NAPB: variants seen among roughly 807,000 people sequenced by gnomAD.
The protein encoded by NAPB is NSF attachment protein beta.
NAPB carries 26 observed loss-of-function variants against 44.7 expected under a neutral mutation model. The ratio of observed to expected loss-of-function variants is 0.58; its 90% CI spans 0.43 to 0.81. NAPB has a LOEUF of 0.81. Among genes scored for constraint, NAPB ranks in the 30% least tolerant of loss-of-function variants. NAPB has a pLI of 0.00. For missense variants in NAPB, 315 were observed against 356.4 expected (o/e 0.88, Z 0.94); for synonymous variants, 120 against 116.8 (o/e 1.03, Z -0.18).
chr20:23,381,936 C>T (rs1157772572), intron 7 of NAPB, among the ~76,000 whole-genome samples: 1 of 152,166 alleles, frequency 6.6e-6, no homozygotes, highest in Non-Finnish European at 1.5e-5. Flanking sequence ...GTAAGAAGCA[C>T]CCCAATACCT....
intron 5 of NAPB, among the ~76,000 whole-genome samples, chr20:23,390,836 T>C (rs1329472731): frequency 2.0e-5 from 3 of 152,194 alleles, no homozygotes; most frequent in African/African-American, 7.2e-5. Flanking sequence ...CTTACGTCTA[T>C]GACTTGCAGC....
chr20:23,387,805 A>G lies in NAPB; in HGVS notation c.561+2141T>C, dbSNP rs79524752. On this transcript the variant is annotated intron_variant, in intron 7 of 10. Transcript: ENST00000377026. ...TCAGACTTAGTATTGTTAAGATGGC[A>G]ATACTCTCTGTGATGACTGATTTTA... 2.5e-3 allele frequency among the ~76,000 whole-genome samples: 377 copies of G among 152,300 alleles called. 4 individuals are homozygous for G. The East Asian group carries it at 0.033, about 13-fold the overall frequency.
chr20:23,389,808 T>C (rs1983818658), intron 7 of NAPB, 138 bp downstream of exon 7: 1 of 674,202 alleles, frequency 1.5e-6, no homozygotes, highest in African/African-American at 1.8e-5. Flanking sequence ...TATACAACTT[T>C]GTGAACAGAC....
intron 7 of NAPB, 86 bp downstream of exon 7, chr20:23,389,860 A>G (rs1983823278): frequency 1.7e-6 from 2 of 1,167,950 alleles, no homozygotes; most frequent in Admixed American, 1.9e-5. Context: ...TGTGTGGATT[A>G]TATCTCAATA....
At chr20:23,406,163 C>T (rs2424542) in intron 1 of NAPB, among the ~76,000 whole-genome samples, 86,557 of 152,076 alleles carry the variant, frequency 0.57, 26,530 homozygotes, top group East Asian at 0.88. Context: ...GCCTTGATCT[C>T]AGACTTTCCA....
intron 7 of NAPB, among the ~76,000 whole-genome samples, chr20:23,389,605 T>C (rs137900167): frequency 1.3e-5 from 2 of 152,184 alleles, no homozygotes; most frequent in Admixed American, 6.5e-5. Context: ...CTGAAAACAA[T>C]ACACTAAGTG....
At chr20:23,378,314 G>A (rs368955408) in intron 10 of NAPB, among the ~76,000 whole-genome samples, 1 of 151,422 alleles carries the variant, frequency 6.6e-6, no homozygotes, top group African/African-American at 2.4e-5. Context: ...ACAGAGTGAG[G>A]ATCTGTTTCA....
At chr20:23,396,660 T>G (rs1290223243) in intron 3 of NAPB, 1 of 152,440 alleles carries the variant, frequency 6.6e-6, no homozygotes, top group African/African-American at 2.4e-5. Flanking sequence ...TATTACAATC[T>G]CCCATTAACT....
At chr20:23,390,613 C>T (rs1983873831) in intron 5 of NAPB, among the ~76,000 whole-genome samples, 1 of 152,242 alleles carries the variant, frequency 6.6e-6, no homozygotes, top group Non-Finnish European at 1.5e-5. Flanking sequence ...ACTTTGCATC[C>T]TCCTCCAGGC....
intron 3 of NAPB, among the ~76,000 whole-genome samples, chr20:23,395,456 C>A (rs568349678): frequency 6.6e-6 from 1 of 152,288 alleles, no homozygotes; most frequent in South Asian, 2.1e-4. Flanking sequence ...AGGACTCCAT[C>A]CAGGCAAAAG....
At chr20:23,413,307 C>T (rs1415709204) in intron 1 of NAPB, among the ~76,000 whole-genome samples, 1 of 151,156 alleles carries the variant, frequency 6.6e-6, no homozygotes, top group Non-Finnish European at 1.5e-5. Flanking sequence ...ACAATAAAAG[C>T]CTCTTGCAAC....
chr20:23,413,444 G>A (rs1985792723), intron 1 of NAPB, among the ~76,000 whole-genome samples: 1 of 152,164 alleles, frequency 6.6e-6, no homozygotes, highest in East Asian at 1.9e-4. Flanking sequence ...AATGAAAACA[G>A]TGAATAAACA....
At chr20:23,416,473 T>C (rs1449245590) in intron 1 of NAPB, among the ~76,000 whole-genome samples, 5 of 151,664 alleles carry the variant, frequency 3.3e-5, no homozygotes, top group Admixed American at 2.0e-4. Context: ...ATCTGAAAAC[T>C]AAAAAAAACA....
chr20:23,394,902 G>A lies in NAPB; in HGVS notation c.420+20C>T. The A allele has an allele frequency of 6.2e-7, 1 of 1,608,378 alleles. No homozygotes were observed. Among genetic ancestry groups the A allele is most frequent in the Non-Finnish European group, 8.5e-7 (1 of 1,174,824 alleles). Reference sequence around the variant, plus strand: ...CTTATCTGCCTGCTTCACATCTGAGGAAGTGTGCCCACTGCTTACCTTCTC... The same window carrying A: ...CTTATCTGCCTGCTTCACATCTGAGAAAGTGTGCCCACTGCTTACCTTCTC... On this transcript the variant is annotated intron_variant, in intron 5 of 10. Transcript: ENST00000377026.
Position 23,377,325 on chromosome 20 carries a change from T to A in NAPB, c.*51A>T. 7.9e-7 allele frequency: 1 copy of A among 1,267,556 alleles called. No homozygotes were observed. 78.5% of individuals were successfully genotyped at this position (1,267,556 alleles called of 1,614,324 possible). On this transcript the variant is annotated 3_prime_UTR_variant, in exon 11 of 11. Coordinates refer to ENST00000377026, the MANE Select transcript of NAPB (RefSeq NM_022080.3). ...GCATCCCATAAAGATCACTTGACCC[T>A]AAGACAAAACTAAAGAGGAGTTAGC...
chr20:23,393,383 G>A (rs1984117264), intron 5 of NAPB, among the ~76,000 whole-genome samples: 1 of 152,168 alleles, frequency 6.6e-6, no homozygotes, highest in African/African-American at 2.4e-5. Flanking sequence ...AACAGGTGGA[G>A]GTCACACAGT....
At chr20:23,394,829 C>G in intron 5 of NAPB, 93 bp downstream of exon 5, 1 of 1,300,816 alleles carries the variant, frequency 7.7e-7, no homozygotes, top group Middle Eastern at 1.9e-4. Context: ...GACCACTCTA[C>G]ACCTACGATC....
At chr20:23,385,486 G>A (rs780358130) in intron 7 of NAPB, among the ~76,000 whole-genome samples, 3 of 152,114 alleles carry the variant, frequency 2.0e-5, no homozygotes, top group East Asian at 1.9e-4. Context: ...AAGGCCAATC[G>A]CAGTGGCTCA....
intron 3 of NAPB, among the ~76,000 whole-genome samples, chr20:23,396,221 C>T (rs1322243761): frequency 6.6e-6 from 1 of 152,142 alleles, no homozygotes; most frequent in Non-Finnish European, 1.5e-5. Flanking sequence ...TCTCTGAAAC[C>T]AGGGATTTTA....
Sources: gnomAD v4.1 joint callset for allele counts (sites outside exome capture counted in the v4.1 genomes callset) on GRCh38, gnomAD v4.1.1 for gene constraint, MANE v1.5 for transcripts, NCBI Gene and HGNC (gene_info 2026-07-23, HGNC 2026-07-21) for gene names.